ODAD4: variants seen among roughly 807,000 people sequenced by gnomAD.
The protein encoded by ODAD4 is outer dynein arm docking complex subunit 4.
Under a neutral mutation model 51.8 loss-of-function variants are expected in ODAD4, and 49 were observed. That is an observed-to-expected ratio of 0.95 (90% CI 0.75 to 1.20). The LOEUF (loss-of-function observed/expected upper bound fraction) is 1.20. ODAD4 is among the 50% of genes most tolerant of loss of function. The probability of loss-of-function intolerance (pLI) is 0.00; values close to 1 mark genes in which losing one functional copy is unlikely to be tolerated. For missense variants in ODAD4, 590 were observed against 586.5 expected (o/e 1.01, Z -0.06); for synonymous variants, 235 against 221.3 (o/e 1.06, Z -0.55).
chr17:41,954,575 C>T (rs1431715820), intron 9 of ODAD4, among the ~76,000 whole-genome samples: 10 of 151,684 alleles, frequency 6.6e-5, no homozygotes, highest in African/African-American at 2.4e-4. Flanking sequence ...AATTTCTGGC[C>T]GAGCGGTGGC....
In ODAD4 at chr17:41,937,741, G is replaced by T. The variant is rs184416842; in HGVS notation, c.625+814G>T. 2.0e-3 allele frequency among the ~76,000 whole-genome samples: 301 copies of T among 152,264 alleles called. 3 individuals carry two copies. Among genetic ancestry groups the T allele is most frequent in the African/African-American group, 6.9e-3 (285 of 41,540 alleles). ...CCCACCTCGGCCTCCCAAAGTGCTG[G>T]GATTACAGGTGTGAGCCACTACACC... On this transcript the variant is annotated intron_variant, in intron 5 of 11. Transcript: ENST00000377540.
chr17:41,961,391 G>C lies in ODAD4; in HGVS notation c.1453G>C (p.Asp485His). Reference sequence around the variant, plus strand: ...CCTCTACCATCCACAGGCCTTGGACGATGCCAACAAGGGTATCATCAGAGA... The same window carrying C: ...CCTCTACCATCCACAGGCCTTGGACCATGCCAACAAGGGTATCATCAGAGA... ...AQQAIISALDDANKGIIRELR... is the reference protein window; with the variant it reads ...AQQAIISALDHANKGIIRELR... The change falls in exon 11 of 12, where the codon GAT becomes CAT. Residue 485 changes from aspartate to histidine, a missense_variant. Physicochemically the swap from Asp to His is moderately conservative, Grantham distance 81 (BLOSUM62 -1). Coordinates refer to ENST00000377540, the MANE Select transcript of ODAD4 (RefSeq NM_031421.5). 1 of 745,930 alleles carries C rather than the reference G, an allele frequency of 1.3e-6. No homozygotes were observed. Among genetic ancestry groups the C allele is most frequent in the Non-Finnish European group, 2.5e-6 (1 of 400,704 alleles). The allele number at this position is 745,930 out of a possible 1,614,324, so 46.2% of individuals were successfully genotyped here.
At chr17:41,942,366 T>C (rs782470178) in intron 7 of ODAD4, among the ~76,000 whole-genome samples, 2 of 152,132 alleles carry the variant, frequency 1.3e-5, no homozygotes, top group Non-Finnish European at 2.9e-5. Context: ...CTAGTCTAAG[T>C]GGTTTTTTCA....
chr17:41,930,793 T>C lies in ODAD4; in HGVS notation c.70T>C (p.Tyr24His), dbSNP rs782784356. 3 of 1,590,592 alleles carry C rather than the reference T, an allele frequency of 1.9e-6. No individual in the cohort carries two copies. In the African/African-American group the frequency reaches 4.1e-5, roughly 21 times the overall value. ...TTATATGGCCGAAGGCGAGCGGCTC[T>C]ACCTGTGCGGGGAATTTTCTAAAGC... ...PSYMAEGERL[Y>H]LCGEFSKAAQ... Residue 24 changes from tyrosine (Y) to histidine (H), a missense_variant, in exon 1 of 12, where the codon TAC (tyrosine) becomes CAC (histidine). Physicochemically the swap from Tyr to His is moderately conservative, Grantham distance 83. Transcript: ENST00000377540.
chr17:41,953,354 T>C (rs898365516), intron 9 of ODAD4, among the ~76,000 whole-genome samples: 24 of 148,092 alleles, frequency 1.6e-4, no homozygotes, highest in Non-Finnish European at 3.1e-4. Flanking sequence ...CCACCGCGAC[T>C]GGCTGTAATG....
rs8080978 is a variant in ODAD4, at chr17:41,964,799, C to T, written c.1529-194C>T. Among the ~76,000 whole-genome samples, 27,216 of 151,818 alleles carry T rather than the reference C, an allele frequency of 0.18. 2,600 individuals carry two copies. The highest frequency in any genetic ancestry group is 0.21 in the African/African-American group (8,735 of 41,382). ...CTGGGACTACAGGCGCCAACCACCA[C>T]GCCTGGCTAATTTTTGTATTTTTAG... On this transcript the variant is annotated intron_variant, in intron 11 of 11. Coordinates refer to ENST00000377540, the MANE Select transcript of ODAD4 (RefSeq NM_031421.5).
intron 9 of ODAD4, chr17:41,954,954 C>A: frequency 1.8e-6 from 1 of 547,222 alleles, no homozygotes; most frequent in Non-Finnish European, 3.4e-6. Flanking sequence ...CACTAGACTG[C>A]ACCACAGTCC....
intron 3 of ODAD4, 23 bp from the exon 4 acceptor site, chr17:41,936,450 A>G: frequency 6.2e-7 from 1 of 1,601,592 alleles, no homozygotes; most frequent in East Asian, 2.2e-5. Context: ...GGCCGACCTG[A>G]GCTCCAGCTT....
chr17:41,954,134 C>G (rs1297275430), intron 9 of ODAD4, among the ~76,000 whole-genome samples: 1 of 151,834 alleles, frequency 6.6e-6, no homozygotes, highest in Non-Finnish European at 1.5e-5. Flanking sequence ...TACAGTCGCC[C>G]GTCACCATGC....
Position 41,938,617 on chromosome 17 carries a change from T to A in ODAD4, c.686T>A (p.Ile229Asn), listed in dbSNP as rs781920810. The A allele has an allele frequency of 1.2e-6, 2 of 1,613,880 alleles. No individual in the cohort carries two copies. Among genetic ancestry groups the A allele is most frequent in the South Asian group, 2.2e-5 (2 of 91,084 alleles). Residue 229 changes from isoleucine (I) to asparagine (N), a missense_variant, in exon 6 of 12, where the codon ATC (isoleucine) becomes AAC (asparagine). This residue lies in a region of ODAD4 where 360 missense variants were observed against 407.5 expected (regional missense o/e 0.88). Coordinates refer to ENST00000377540, the MANE Select transcript of ODAD4 (RefSeq NM_031421.5). Reference protein sequence around the residue: ...LTVEDLIMTGINYLDTHSNFW... With the variant: ...LTVEDLIMTGNNYLDTHSNFW... ...GTGGAGGACCTCATCATGACGGGCA[T>A]CAACTACCTGGATACTCACAGCAAC...
intron 8 of ODAD4, among the ~76,000 whole-genome samples, chr17:41,948,731 C>A (rs1022160797): frequency 1.3e-5 from 2 of 151,984 alleles, no homozygotes; most frequent in East Asian, 3.9e-4. Flanking sequence ...ACCTCCACCT[C>A]CCGGGTTCAA....
intron 10 of ODAD4, among the ~76,000 whole-genome samples, chr17:41,960,036 T>C (rs1167805441): frequency 6.6e-6 from 1 of 152,216 alleles, no homozygotes; most frequent in Non-Finnish European, 1.5e-5. Context: ...AGATGTACCA[T>C]GCGCCACATA....
At chr17:41,944,033 A>G (rs2050542640) in intron 7 of ODAD4, among the ~76,000 whole-genome samples, 1 of 152,070 alleles carries the variant, frequency 6.6e-6, no homozygotes, top group African/African-American at 2.4e-5. Flanking sequence ...CCCTGTCTCT[A>G]CTAAAAATAC....
chr17:41,947,872 C>A (rs2050608683), intron 8 of ODAD4, among the ~76,000 whole-genome samples: 1 of 152,104 alleles, frequency 6.6e-6, no homozygotes, highest in Admixed American at 6.6e-5. Context: ...GTAATCCCAG[C>A]ACTTTGGGAG....
Position 41,965,498 on chromosome 17 carries a change from AT to A in ODAD4, c.*16del, listed in dbSNP as rs782410420. Reference sequence around the variant, plus strand: ...AATATGAATGAAGCCATCGGTAGAGATGAGGATCAGGAAGCTGGTGTTCAGA... The same window carrying A: ...AATATGAATGAAGCCATCGGTAGAGAGAGGATCAGGAAGCTGGTGTTCAGA... On this transcript the variant is annotated 3_prime_UTR_variant, in exon 12 of 12. Coordinates refer to ENST00000377540, the MANE Select transcript of ODAD4 (RefSeq NM_031421.5). 11 of 753,482 alleles carry A rather than the reference AT, an allele frequency of 1.5e-5. No individual in the cohort carries two copies. The African/African-American group carries it at 1.7e-4, about 12-fold the overall frequency. 46.7% of individuals were successfully genotyped at this position (753,482 alleles called of 1,614,324 possible). A position where few individuals can be genotyped will look rare whatever the true frequency, so the allele number is the denominator to read the frequency against.
intron 8 of ODAD4, 59 bp from the exon 9 acceptor site, chr17:41,949,094 C>T: frequency 2.5e-6 from 1 of 398,242 alleles, no homozygotes; most frequent in Non-Finnish European, 4.4e-6. Context: ...CCTTGGCATC[C>T]TGTGGCCCAG....
chr17:41,936,999 A>G, intron 5 of ODAD4, 72 bp downstream of exon 5: 2 of 1,540,528 alleles, frequency 1.3e-6, no homozygotes, highest in East Asian at 4.5e-5. Context: ...GCATGAGCTG[A>G]AGGCAGAACC....
At chr17:41,948,321 CT>C (rs1259244820) in intron 8 of ODAD4, among the ~76,000 whole-genome samples, 44 of 139,214 alleles carry the variant, frequency 3.2e-4, no homozygotes, top group Middle Eastern at 3.6e-3. Flanking sequence ...TCTTTCTTTC[CT>C]TTTTTTTTTT....
chr17:41,934,425 T>TG (rs72540120), intron 1 of ODAD4, among the ~76,000 whole-genome samples: 1 of 31,924 alleles, frequency 3.1e-5, no homozygotes, highest in South Asian at 3.6e-3. Context: ...GATCATGGCT[T>TG]ATGCAGCCTC....
Sources: gnomAD v4.1 joint callset for allele counts (sites outside exome capture counted in the v4.1 genomes callset) on GRCh38, gnomAD v4.1.1 for gene constraint, gnomAD v4.1.1 regional missense constraint, MANE v1.5 for transcripts, NCBI Gene and HGNC (gene_info 2026-07-23, HGNC 2026-07-21) for gene names.